The following FSTL4 variants were observed in gnomAD, a reference collection of about 807,000 sequenced individuals.
FSTL4 encodes follistatin like 4.
A neutral mutation model predicts 78.2 loss-of-function variants in FSTL4; 28 were observed. The ratio of observed to expected loss-of-function variants is 0.36; its 90% CI spans 0.27 to 0.49. FSTL4 has a LOEUF of 0.49. FSTL4 is among the 20% of genes least tolerant of loss of function. The probability of loss-of-function intolerance (pLI) is 0.98; values close to 1 mark genes in which losing one functional copy is unlikely to be tolerated. For missense variants in FSTL4, 922 were observed against 1,084.9 expected (o/e 0.85, Z 2.11); for synonymous variants, 422 against 440.5 (o/e 0.96, Z 0.53).
intron 2 of FSTL4, among the ~76,000 whole-genome samples, chr5:133,578,657 A>G (rs1350293446): frequency 6.6e-6 from 1 of 152,270 alleles, no homozygotes; most frequent in Non-Finnish European, 1.5e-5. Context: ...TTTAAATTCT[A>G]GATATCATTT....
chr5:133,275,258 T>C (rs371784951), intron 6 of FSTL4, among the ~76,000 whole-genome samples: 5 of 150,946 alleles, frequency 3.3e-5, no homozygotes, highest in African/African-American at 1.2e-4. Context: ...AGGGAAACTC[T>C]GTTATGAAGT....
At chr5:133,658,930 G>T in the FSTL4 span, among the ~76,000 whole-genome samples, 1 of 151,982 alleles carries the variant, frequency 6.6e-6, no homozygotes, top group Non-Finnish European at 1.5e-5. Context: ...CAGACATATA[G>T]GGTTTTAACA....
chr5:133,517,049 C>T (rs1257728385), intron 3 of FSTL4, among the ~76,000 whole-genome samples: 2 of 151,014 alleles, frequency 1.3e-5, no homozygotes, highest in Admixed American at 6.6e-5. Context: ...TGCACTCCAG[C>T]CTGGGAGATA....
chr5:133,545,853 G>A (rs566813162), intron 3 of FSTL4, among the ~76,000 whole-genome samples: 2 of 152,320 alleles, frequency 1.3e-5, no homozygotes, highest in African/African-American at 4.8e-5. Flanking sequence ...TTATCTAAAT[G>A]GTCATGACCA....
intron 2 of FSTL4, among the ~76,000 whole-genome samples, chr5:133,580,974 G>A (rs1431756221): frequency 1.3e-5 from 2 of 152,150 alleles, no homozygotes; most frequent in Non-Finnish European, 2.9e-5. Flanking sequence ...TCCACCATGT[G>A]TGCCTCACTC....
At chr5:133,310,439 A>G (rs1423067893) in intron 6 of FSTL4, among the ~76,000 whole-genome samples, 3 of 152,192 alleles carry the variant, frequency 2.0e-5, no homozygotes, top group Non-Finnish European at 2.9e-5. Context: ...CATGTTTACA[A>G]TGACCTTACT....
At chr5:133,754,774 C>T in the FSTL4 span, among the ~76,000 whole-genome samples, 1 of 152,172 alleles carries the variant, frequency 6.6e-6, no homozygotes, top group Non-Finnish European at 1.5e-5. Flanking sequence ...CAGTGGAGCT[C>T]AGACGTGTGA....
the FSTL4 span, among the ~76,000 whole-genome samples, chr5:133,645,544 T>C: frequency 2.6e-5 from 4 of 152,072 alleles, no homozygotes; most frequent in Admixed American, 6.6e-5. Context: ...CTTCACTAAG[T>C]ATAGTAGGCT....
intron 4 of FSTL4, among the ~76,000 whole-genome samples, chr5:133,362,743 A>T (rs1490163692): frequency 6.6e-6 from 1 of 152,254 alleles, no homozygotes; most frequent in African/African-American, 2.4e-5. Flanking sequence ...AGGTGCTTCC[A>T]GGCCTGGCCC....
At chr5:133,625,249 G>A in the FSTL4 span, among the ~76,000 whole-genome samples, 62 of 151,754 alleles carry the variant, frequency 4.1e-4, no homozygotes, top group South Asian at 0.012. Context: ...CATCTGAGCT[G>A]AAGATTTTCT....
At chr5:133,290,701 TG>T (rs1400339121) in intron 6 of FSTL4, among the ~76,000 whole-genome samples, 1 of 152,256 alleles carries the variant, frequency 6.6e-6, no homozygotes, top group Non-Finnish European at 1.5e-5. Context: ...TCCCCGCCCC[TG>T]GAGCCCTCTT....
At chr5:133,528,059 T>C (rs970974008) in intron 3 of FSTL4, among the ~76,000 whole-genome samples, 2 of 152,362 alleles carry the variant, frequency 1.3e-5, no homozygotes, top group East Asian at 3.9e-4. Flanking sequence ...GTGTTATCAT[T>C]TCAGGGATTT....
At chr5:133,509,071 G>C (rs1327330730) in intron 3 of FSTL4, among the ~76,000 whole-genome samples, 1 of 152,166 alleles carries the variant, frequency 6.6e-6, no homozygotes, top group African/African-American at 2.4e-5. Flanking sequence ...GCTGGTTTCT[G>C]AGTAACCACA....
the FSTL4 span, among the ~76,000 whole-genome samples, chr5:133,659,225 T>C: frequency 6.6e-6 from 1 of 152,156 alleles, no homozygotes; most frequent in African/African-American, 2.4e-5. Context: ...TTTTTAAATT[T>C]ATTTCCCACC....
In FSTL4 at chr5:133,197,475, G is replaced by C. The variant is rs972001093; in HGVS notation, c.*1620C>G. ...ACAGGCGTTTGGTGGACCAAGTTGC[G>C]TGAGACATACAAGTGATTGATCTCA... On this transcript the variant is annotated 3_prime_UTR_variant, in exon 16 of 16. Coordinates refer to ENST00000265342, the MANE Select transcript of FSTL4 (RefSeq NM_015082.2). 1 of 152,362 alleles carries C rather than the reference G, an allele frequency of 6.6e-6. No homozygotes were observed. Among genetic ancestry groups the C allele is most frequent in the Non-Finnish European group, 1.5e-5 (1 of 68,056 alleles). The allele number at this position is 152,362 out of a possible 1,614,324, so 9.4% of individuals were successfully genotyped here. A position where few individuals can be genotyped will look rare whatever the true frequency, so the allele number is the denominator to read the frequency against.
intron 4 of FSTL4, among the ~76,000 whole-genome samples, chr5:133,321,086 C>T (rs575173168): frequency 3.3e-5 from 5 of 151,770 alleles, no homozygotes; most frequent in Non-Finnish European, 7.4e-5. Context: ...TTCTTATCTT[C>T]ACCCCAGTCA....
At chr5:133,273,941 CAG>C (rs1561652465) in intron 6 of FSTL4, among the ~76,000 whole-genome samples, 5 of 152,300 alleles carry the variant, frequency 3.3e-5, no homozygotes, top group African/African-American at 7.2e-5. Context: ...TTACTGAGCT[CAG>C]AGAGTCAGCT....
chr5:133,466,931 AAT>A (rs138417986), intron 3 of FSTL4, among the ~76,000 whole-genome samples: 10,337 of 149,948 alleles, frequency 0.069, 407 homozygotes, highest in South Asian at 0.12. Context: ...TGTGTGTGAG[AAT>A]ATGAGTGTGT....
intron 3 of FSTL4, among the ~76,000 whole-genome samples, chr5:133,481,352 C>T (rs541707584): frequency 1.3e-5 from 2 of 151,980 alleles, no homozygotes; most frequent in South Asian, 2.1e-4. Context: ...ACCAGCCTGG[C>T]CAACATGGCA....
Sources: allele counts gnomAD v4.1 joint callset (sites outside exome capture counted in the v4.1 genomes callset), GRCh38; gene constraint gnomAD v4.1.1; transcripts MANE v1.5; gene names NCBI Gene and HGNC (gene_info 2026-07-23, HGNC 2026-07-21).